Variants in LRP1B observed in about 807,000 individuals in gnomAD.
LRP1B encodes the protein LDL receptor related protein 1B, also known as low-density lipoprotein receptor-related protein 1B.
Under a neutral mutation model 556.6 loss-of-function variants are expected in LRP1B, and 217 were observed. That is an observed-to-expected ratio of 0.39 (90% CI 0.35 to 0.44). LRP1B has a LOEUF of 0.44. LRP1B is among the 20% of genes least tolerant of loss of function. The pLI is 1.00. For missense variants in LRP1B, 5,053 were observed against 5,620.8 expected (o/e 0.90, Z 3.23); for synonymous variants, 2,047 against 1,865.8 (o/e 1.10, Z -2.50).
At position 140,239,452 on chromosome 2, in the gene LRP1B, T is replaced by C; in HGVS notation, c.13405A>G (p.Arg4469Gly). The C allele has an allele frequency of 6.3e-7, 1 of 1,593,086 alleles. No individual in the cohort carries two copies. Among genetic ancestry groups the C allele is most frequent in the Non-Finnish European group, 8.6e-7 (1 of 1,166,952 alleles). The change falls in exon 88 of 91, where the codon AGA (arginine) becomes GGA (glycine). Residue 4469 changes from arginine to glycine, a missense_variant. Physicochemically the swap from Arg to Gly is moderately radical, Grantham distance 125. Around this residue, in one of 5 missense-constraint regions of LRP1B, gnomAD observed 551 missense variants for 592.0 expected, o/e 0.93. Transcript: ENST00000389484. The part of the protein sequence containing the change: ...TLVIGLVLCK[R>G]KRRTKTIRRQ... ...AACATTGCATCTTACCTTCTTTTTCTTTTACAAAGCACTAAACCAATTACT... is the reference window on the plus strand; with the variant it reads ...AACATTGCATCTTACCTTCTTTTTCCTTTACAAAGCACTAAACCAATTACT...
chr2:141,906,392 C>A (rs374802168), intron 1 of LRP1B, among the ~76,000 whole-genome samples: 1 of 152,032 alleles, frequency 6.6e-6, no homozygotes, highest in African/African-American at 2.4e-5. Flanking sequence ...TAAAACAAAG[C>A]AAACTACTCT....
intron 35 of LRP1B, among the ~76,000 whole-genome samples, chr2:140,724,528 G>C (rs1458579040): frequency 7.9e-5 from 12 of 152,198 alleles, no homozygotes; most frequent in Middle Eastern, 3.4e-3. Context: ...CCAAAATTAT[G>C]TGTTAAATTG....
chr2:140,277,907 G>A (rs993711393), intron 84 of LRP1B, among the ~76,000 whole-genome samples: 2 of 151,836 alleles, frequency 1.3e-5, no homozygotes, highest in African/African-American at 4.8e-5. Context: ...GCATGCACAT[G>A]TATGTCAAGA....
At chr2:141,932,782 G>A (rs1700540607) in intron 1 of LRP1B, among the ~76,000 whole-genome samples, 1 of 151,828 alleles carries the variant, frequency 6.6e-6, no homozygotes, top group Admixed American at 6.6e-5. Flanking sequence ...ATTTTGAATA[G>A]AATATATCAA....
intron 87 of LRP1B, among the ~76,000 whole-genome samples, chr2:140,240,704 A>G (rs560693162): frequency 6.6e-6 from 1 of 151,028 alleles, no homozygotes; most frequent in Admixed American, 6.6e-5. Context: ...TTAACCTAAG[A>G]AACCAAGCAG....
Position 141,723,741 on chromosome 2 carries a change from T to A in LRP1B, c.205+86538A>T, listed in dbSNP as rs561244176. On this transcript the variant is annotated intron_variant, in intron 2 of 90. Coordinates refer to ENST00000389484, the MANE Select transcript of LRP1B (RefSeq NM_018557.3). ...TATAACTCTTCAATTCTTCTGTAGA[T>A]AAAACTGCATTTTTAAAAATAATTA... Among the ~76,000 whole-genome samples the A allele has an allele frequency of 1.3e-4, 20 of 152,056 alleles. No homozygotes were observed. In the South Asian group the frequency reaches 4.1e-3, roughly 31 times the overall value.
chr2:142,109,022 G>A (rs1212486954), intron 1 of LRP1B, among the ~76,000 whole-genome samples: 1 of 152,118 alleles, frequency 6.6e-6, no homozygotes, highest in Non-Finnish European at 1.5e-5. Context: ...GTGCTGGGGT[G>A]CCTTATTATT....
intron 2 of LRP1B, among the ~76,000 whole-genome samples, chr2:141,602,431 A>G (rs1687782163): frequency 6.6e-6 from 1 of 152,184 alleles, no homozygotes; most frequent in South Asian, 2.1e-4. Flanking sequence ...GCTCAACTCA[A>G]ACAGGCAAAG....
intron 1 of LRP1B, among the ~76,000 whole-genome samples, chr2:142,042,057 A>T (rs890464566): frequency 1.3e-5 from 2 of 151,414 alleles, no homozygotes; most frequent in Admixed American, 6.6e-5. Context: ...TTTTGTATTT[A>T]TGCGTTTTTT....
chr2:140,481,031 T>A (rs1253669086), intron 59 of LRP1B, among the ~76,000 whole-genome samples: 1 of 152,092 alleles, frequency 6.6e-6, no homozygotes, highest in Non-Finnish European at 1.5e-5. Flanking sequence ...CAGGCCTGGC[T>A]AATTTTTGTA....
At chr2:141,277,048 A>C (rs1685326743) in intron 3 of LRP1B, among the ~76,000 whole-genome samples, 1 of 152,176 alleles carries the variant, frequency 6.6e-6, no homozygotes, top group African/African-American at 2.4e-5. Context: ...GTTCATGGGC[A>C]TCTAGGTTGA....
intron 60 of LRP1B, among the ~76,000 whole-genome samples, chr2:140,468,955 C>CGATA (rs1558903539): frequency 6.6e-6 from 1 of 152,006 alleles, no homozygotes; most frequent in Non-Finnish European, 1.5e-5. Context: ...AGCAGGAGAA[C>CGATA]GATAAATCAT....
intron 2 of LRP1B, among the ~76,000 whole-genome samples, chr2:141,729,320 T>A (rs1310077439): frequency 2.6e-5 from 4 of 152,108 alleles, no homozygotes; most frequent in African/African-American, 9.7e-5. Flanking sequence ...TTTTTTAGTC[T>A]TTGGACGTTA....
chr2:142,037,345 C>A (rs1033496340), intron 1 of LRP1B, among the ~76,000 whole-genome samples: 2 of 151,398 alleles, frequency 1.3e-5, no homozygotes, highest in African/African-American at 4.8e-5. Flanking sequence ...CACATTCTGC[C>A]GTTTTTAAGT....
At chr2:140,394,365 T>A (rs1290992044) in intron 66 of LRP1B, among the ~76,000 whole-genome samples, 1 of 152,090 alleles carries the variant, frequency 6.6e-6, no homozygotes, top group Non-Finnish European at 1.5e-5. Context: ...TGAAATGTGA[T>A]CAATCATTAT....
chr2:141,402,267 A>T (rs1690475989), intron 3 of LRP1B, among the ~76,000 whole-genome samples: 1 of 152,216 alleles, frequency 6.6e-6, no homozygotes, highest in South Asian at 2.1e-4. Flanking sequence ...CAGAATGGTC[A>T]AAGTTTTTAC....
At chr2:140,748,125 ATATATATAT>A (rs1559093621) in intron 35 of LRP1B, among the ~76,000 whole-genome samples, 3 of 94,654 alleles carry the variant, frequency 3.2e-5, no homozygotes, top group Non-Finnish European at 6.1e-5. Context: ...ATATATATAT[ATATATATAT>A]ATAATTCATA....
At chr2:140,815,658 C>A (rs954433120) in intron 31 of LRP1B, among the ~76,000 whole-genome samples, 6 of 152,124 alleles carry the variant, frequency 3.9e-5, no homozygotes, top group Non-Finnish European at 4.4e-5. Flanking sequence ...ATTTAATCAA[C>A]ATTTGTCAAG....
chr2:141,544,326 T>TTC (rs1685418776), intron 2 of LRP1B, among the ~76,000 whole-genome samples: 2 of 55,888 alleles, frequency 3.6e-5, no homozygotes, highest in South Asian at 1.3e-3. Context: ...CTTCTTCTTC[T>TTC]TCTTCTTCTT....
Sources: gnomAD v4.1 joint callset for allele counts (sites outside exome capture counted in the v4.1 genomes callset) on GRCh38, gnomAD v4.1.1 for gene constraint, gnomAD v4.1.1 regional missense constraint, MANE v1.5 for transcripts, NCBI Gene and HGNC (gene_info 2026-07-23, HGNC 2026-07-21) for gene names.